The following LTBP1 variants were observed in gnomAD, a reference collection of about 807,000 sequenced individuals.
LTBP1 encodes the protein latent-transforming growth factor beta-binding protein 1.
A neutral mutation model predicts 207.6 loss-of-function variants in LTBP1; 129 were observed. That is an observed-to-expected ratio of 0.62 (90% CI 0.54 to 0.72). LTBP1 has a LOEUF of 0.72. Among genes scored for constraint, LTBP1 ranks in the 30% least tolerant of loss-of-function variants. The pLI is 0.00. For missense variants in LTBP1, 2,281 were observed against 2,217.2 expected (o/e 1.03, Z -0.58); for synonymous variants, 963 against 833.7 (o/e 1.16, Z -2.67).
At chr2:32,979,873 G>A (rs2148703770) in intron 2 of LTBP1, among the ~76,000 whole-genome samples, 1 of 152,222 alleles carries the variant, frequency 6.6e-6, no homozygotes, top group African/African-American at 2.4e-5. Flanking sequence ...AAAGTTGGAT[G>A]CATATATGCT....
chr2:33,249,322 TTCACAC>T (rs2149880226), intron 10 of LTBP1, among the ~76,000 whole-genome samples: 1 of 82,880 alleles, frequency 1.2e-5, no homozygotes, highest in East Asian at 2.8e-4. Flanking sequence ...GGTCTGATTT[TTCACAC>T]ACACACACAC....
rs377370639 is a variant in LTBP1 at position 33,008,201 on chromosome 2, C to G, written c.566-12708C>G. ...AAGTCAACTTTTCAAACAGATTATA[C>G]ATGTTGATAATAGTGCTAGTCATAT... On this transcript the variant is annotated intron_variant, in intron 2 of 33. Transcript: ENST00000404816. Among the ~76,000 whole-genome samples, 7 of 152,242 alleles carry G rather than the reference C, an allele frequency of 4.6e-5. 1 individual carries two copies. The East Asian group carries it at 1.3e-3, about 29-fold the overall frequency.
rs1005280519 is a variant in LTBP1 at position 33,039,087 on chromosome 2, C to T, written c.863+17881C>T. ...TCATTTGGGCAGTCTCTAGCTCTCA[C>T]AAACATGTACTCGAAGAGTACTGAT... On this transcript the variant is annotated intron_variant, in intron 3 of 33. Coordinates refer to ENST00000404816, the MANE Select transcript of LTBP1 (RefSeq NM_206943.4). Among the ~76,000 whole-genome samples, 42 of 152,228 alleles carry T rather than the reference C, an allele frequency of 2.8e-4. 1 individual carries two copies. The highest frequency in any genetic ancestry group is 2.7e-3 in the Admixed American group (42 of 15,284).
chr2:33,379,495 C>T (rs570092779), intron 31 of LTBP1, among the ~76,000 whole-genome samples: 1 of 152,202 alleles, frequency 6.6e-6, no homozygotes, highest in East Asian at 1.9e-4. Flanking sequence ...TAGGCATGAG[C>T]CACCGTGCCC....
intron 24 of LTBP1, among the ~76,000 whole-genome samples, chr2:33,331,574 A>G (rs1243609031): frequency 6.6e-6 from 1 of 152,148 alleles, no homozygotes; most frequent in Non-Finnish European, 1.5e-5. Flanking sequence ...GCCAGAGAAT[A>G]TACTCTAAAT....
chr2:33,346,755 G>T (rs1326328694), intron 25 of LTBP1, among the ~76,000 whole-genome samples: 1 of 151,940 alleles, frequency 6.6e-6, no homozygotes, highest in Non-Finnish European at 1.5e-5. Flanking sequence ...AGTCAGGAAT[G>T]ATAAAACTAG....
intron 25 of LTBP1, among the ~76,000 whole-genome samples, chr2:33,343,742 G>T (rs1208233253): frequency 2.6e-5 from 4 of 152,176 alleles, no homozygotes; most frequent in Admixed American, 1.3e-4. Flanking sequence ...GGGCTGGAAG[G>T]AATCTTGAAT....
At chr2:33,075,657 C>G (rs1323472513) in intron 3 of LTBP1, among the ~76,000 whole-genome samples, 1 of 152,168 alleles carries the variant, frequency 6.6e-6, no homozygotes, top group African/African-American at 2.4e-5. Context: ...GAACCAACAT[C>G]TGATTTTGAA....
intron 31 of LTBP1, among the ~76,000 whole-genome samples, chr2:33,367,400 G>T (rs2095003838): frequency 6.6e-6 from 1 of 151,222 alleles, no homozygotes; most frequent in African/African-American, 2.4e-5. Flanking sequence ...TTTCTTACCT[G>T]CAAGTATTCC....
In LTBP1 at chr2:33,257,363, T is replaced by C. The variant is rs1573467475; in HGVS notation, c.2247T>C (p.His749=). The part of the protein sequence containing the change: ...GVHRRRPIHH[H]VGKGPVFVKP... ...ATAGACGCAGGCCAATCCATCACCA[T>C]GTAGGTAAAGGACCTGTATTTGTCA... Residue 749 remains histidine, a synonymous_variant, in exon 12 of 34, where the codon CAT becomes CAC. Coordinates refer to ENST00000404816, the MANE Select transcript of LTBP1 (RefSeq NM_206943.4). The C allele has an allele frequency of 1.2e-6, 2 of 1,614,176 alleles. No individual in the cohort carries two copies. The highest frequency in any genetic ancestry group is 4.5e-5 in the East Asian group (2 of 44,880).
At chr2:32,992,644 G>A (rs2148871620) in intron 2 of LTBP1, among the ~76,000 whole-genome samples, 1 of 152,288 alleles carries the variant, frequency 6.6e-6, no homozygotes, top group South Asian at 2.1e-4. Context: ...CGGCATCTTA[G>A]TCTGAAAATG....
intron 2 of LTBP1, among the ~76,000 whole-genome samples, chr2:33,006,803 A>T (rs1354654277): frequency 1.3e-5 from 2 of 152,078 alleles, no homozygotes; most frequent in African/African-American, 4.8e-5. Flanking sequence ...GTTTCAGCTT[A>T]ATTTCTGAAA....
chr2:32,994,803 C>T (rs138697999), intron 2 of LTBP1, among the ~76,000 whole-genome samples: 321 of 152,310 alleles, frequency 2.1e-3, no homozygotes, highest in African/African-American at 7.5e-3. Context: ...GTATAAGAAT[C>T]TCTTGGGAAA....
chr2:33,384,161 G>T (rs1004563981), intron 31 of LTBP1, among the ~76,000 whole-genome samples: 1 of 152,138 alleles, frequency 6.6e-6, no homozygotes, highest in Admixed American at 6.5e-5. Flanking sequence ...AACAGCAGGG[G>T]CCCCACACCC....
At chr2:33,056,420 G>C (rs1237648922) in intron 3 of LTBP1, 1 of 1,060,698 alleles carries the variant, frequency 9.4e-7, no homozygotes, top group Non-Finnish European at 1.3e-6. Flanking sequence ...GGGCGATGGT[G>C]ACTTTGCCCA....
At chr2:33,392,216 C>T (rs1468329664) in intron 32 of LTBP1, among the ~76,000 whole-genome samples, 1 of 150,048 alleles carries the variant, frequency 6.7e-6, no homozygotes, top group Non-Finnish European at 1.5e-5. Context: ...ACAGAGTCTT[C>T]CTCTCTTGCA....
intron 5 of LTBP1, among the ~76,000 whole-genome samples, chr2:33,163,993 G>A (rs1003801815): frequency 4.6e-5 from 7 of 151,594 alleles, no homozygotes; most frequent in Non-Finnish European, 1.0e-4. Flanking sequence ...AATATGTCTA[G>A]TAAAAGTCAG....
intron 32 of LTBP1, among the ~76,000 whole-genome samples, chr2:33,390,941 G>A (rs1484774153): frequency 1.3e-5 from 2 of 152,120 alleles, no homozygotes; most frequent in African/African-American, 4.8e-5. Flanking sequence ...AACAGCATGA[G>A]ATTTCTAGCT....
intron 5 of LTBP1, among the ~76,000 whole-genome samples, chr2:33,175,640 C>T (rs1424543934): frequency 6.6e-6 from 1 of 152,162 alleles, no homozygotes; most frequent in East Asian, 1.9e-4. Context: ...TGGACCGAGC[C>T]ATCCCATTAC....
Sources: gnomAD v4.1 joint callset for allele counts (sites outside exome capture counted in the v4.1 genomes callset) on GRCh38, gnomAD v4.1.1 for gene constraint, MANE v1.5 for transcripts, NCBI Gene and HGNC (gene_info 2026-07-23, HGNC 2026-07-21) for gene names.